Variants in RBFOX1 observed in about 807,000 individuals in gnomAD.
RBFOX1 encodes RNA binding protein fox-1 homolog 1.
In RBFOX1, 8 loss-of-function variants were observed where a neutral mutation model predicts 57.7. The observed-to-expected ratio is 0.14, with a 90% CI of 0.08 to 0.25. The LOEUF (loss-of-function observed/expected upper bound fraction) is 0.25. RBFOX1 is among the 10% of genes least tolerant of loss of function. RBFOX1 has a pLI of 1.00. For synonymous variants in RBFOX1, 326 were observed against 222.4 expected (o/e 1.47, Z -4.15); for missense variants, 611 against 548.5 (o/e 1.11, Z -1.14).
intron 4 of RBFOX1, among the ~76,000 whole-genome samples, chr16:7,386,287 G>T (rs959720849): frequency 2.0e-5 from 3 of 152,092 alleles, no homozygotes; most frequent in African/African-American, 7.2e-5. Context: ...AGAATGTGCA[G>T]GTTTGTTACA....
chr16:6,879,777 C>CTG (rs948596104), intron 3 of RBFOX1, among the ~76,000 whole-genome samples: 1 of 152,172 alleles, frequency 6.6e-6, no homozygotes, highest in Non-Finnish European at 1.5e-5. Context: ...AACCCTTCCT[C>CTG]TGATTTGACA....
At chr16:5,812,766 A>G (rs1341881292) in intron 3 of RBFOX1, among the ~76,000 whole-genome samples, 1 of 152,124 alleles carries the variant, frequency 6.6e-6, no homozygotes, top group Non-Finnish European at 1.5e-5. Context: ...TGCTCGGCCC[A>G]GTCTTCTAAA....
chr16:7,320,820 C>T (rs1023926334), intron 4 of RBFOX1, among the ~76,000 whole-genome samples: 27 of 152,186 alleles, frequency 1.8e-4, no homozygotes, highest in Admixed American at 3.9e-4. Flanking sequence ...TTAGAGCAAC[C>T]GCACAACAAC....
intron 4 of RBFOX1, among the ~76,000 whole-genome samples, chr16:7,431,705 C>G (rs531650394): frequency 6.6e-6 from 1 of 152,342 alleles, no homozygotes; most frequent in Admixed American, 6.5e-5. Flanking sequence ...CCTCTCCATT[C>G]TGTCCTCTCC....
intron 3 of RBFOX1, among the ~76,000 whole-genome samples, chr16:6,801,230 A>G (rs922894108): frequency 3.3e-5 from 5 of 151,398 alleles, no homozygotes; most frequent in Admixed American, 3.3e-4. Context: ...AACGTTACAT[A>G]TCATGTATTT....
chr16:7,154,186 TTG>T (rs2076640706), intron 4 of RBFOX1, among the ~76,000 whole-genome samples: 1 of 152,204 alleles, frequency 6.6e-6, no homozygotes, highest in African/African-American at 2.4e-5. Context: ...GTGCCAAGTG[TTG>T]TGAGACTAAG....
chr16:5,976,858 G>A (rs1186555296), intron 4 of RBFOX1, among the ~76,000 whole-genome samples: 2 of 152,180 alleles, frequency 1.3e-5, no homozygotes, highest in African/African-American at 4.8e-5. Flanking sequence ...AGCAGAGCAA[G>A]ACTCTGTCAA....
chr16:5,905,329 A>T (rs1172349035), intron 4 of RBFOX1, among the ~76,000 whole-genome samples: 1 of 151,886 alleles, frequency 6.6e-6, no homozygotes, highest in African/African-American at 2.4e-5. Context: ...CTAGGATTCC[A>T]GGCATGAGCT....
intron 4 of RBFOX1, among the ~76,000 whole-genome samples, chr16:7,184,928 A>C (rs1567611903): frequency 6.6e-6 from 1 of 152,190 alleles, no homozygotes; most frequent in Non-Finnish European, 1.5e-5. Flanking sequence ...TTGGTGCCCA[A>C]AGTACGTTTG....
At chr16:5,624,122 A>G (rs2048278573) in intron 3 of RBFOX1, among the ~76,000 whole-genome samples, 1 of 152,220 alleles carries the variant, frequency 6.6e-6, no homozygotes, top group South Asian at 2.1e-4. Context: ...AAAGGAGAAC[A>G]TTTTAGGTCA....
At chr16:5,855,976 C>CTTTTTTTTTTTTTTTTTT (rs1160702604) in intron 3 of RBFOX1, among the ~76,000 whole-genome samples, 1 of 77,708 alleles carries the variant, frequency 1.3e-5, no homozygotes, top group Admixed American at 1.3e-4. Flanking sequence ...GTATGTTATT[C>CTTTTTTTTTTTTTTTTTT]TTTTTTTTTT....
At chr16:5,478,804 A>C (rs2450380) in intron 2 of RBFOX1, among the ~76,000 whole-genome samples, 4 of 151,760 alleles carry the variant, frequency 2.6e-5, no homozygotes, top group African/African-American at 9.7e-5. Flanking sequence ...GAGGCAGGAG[A>C]GAAGAGGGCA....
At chr16:6,290,943 A>G (rs1007853887) in intron 1 of RBFOX1, among the ~76,000 whole-genome samples, 1 of 152,124 alleles carries the variant, frequency 6.6e-6, no homozygotes, top group African/African-American at 2.4e-5. Context: ...CCATAGAGAG[A>G]GCATCCCCAA....
chr16:6,982,347 A>C (rs1192024061), intron 3 of RBFOX1, among the ~76,000 whole-genome samples: 1 of 152,130 alleles, frequency 6.6e-6, no homozygotes, highest in African/African-American at 2.4e-5. Flanking sequence ...CCAGCATGTC[A>C]TTTTGACTTT....
chr16:7,026,409 C>G (rs1326908368), intron 3 of RBFOX1, among the ~76,000 whole-genome samples: 1 of 152,188 alleles, frequency 6.6e-6, no homozygotes, highest in Non-Finnish European at 1.5e-5. Context: ...GGGTAAAGAA[C>G]AGTTGAGGGC....
At chr16:6,100,247 C>T (rs1453362861) in intron 1 of RBFOX1, among the ~76,000 whole-genome samples, 1 of 152,064 alleles carries the variant, frequency 6.6e-6, no homozygotes, top group Non-Finnish European at 1.5e-5. Flanking sequence ...ACTGCAAGCT[C>T]CGCCTTCTGG....
At chr16:5,629,086 A>G (rs758804416) in intron 3 of RBFOX1, among the ~76,000 whole-genome samples, 3 of 143,964 alleles carry the variant, frequency 2.1e-5, no homozygotes, top group Non-Finnish European at 3.1e-5. Flanking sequence ...ATCAAGAGAA[A>G]AGAAAAAAAG....
At position 7,144,726 on chromosome 16, in the gene RBFOX1, C is replaced by G. The variant is rs75342765; in HGVS notation, c.27+92628C>G. 3.3e-3 allele frequency among the ~76,000 whole-genome samples: 505 copies of G among 152,214 alleles called. 10 individuals carry two copies. In the East Asian group the frequency reaches 0.06, roughly 18 times the overall value. ...TCCGCTTTCCCCAGATAGTCTCCCTCCCACCTACATATGAGAAAATAAAAT... is the reference window on the plus strand; with the variant it reads ...TCCGCTTTCCCCAGATAGTCTCCCTGCCACCTACATATGAGAAAATAAAAT... On this transcript the variant is annotated intron_variant, in intron 4 of 15. Transcript: ENST00000550418.
At chr16:7,567,336 G>A (rs56354908) in intron 5 of RBFOX1, among the ~76,000 whole-genome samples, 3 of 15,228 alleles carry the variant, frequency 2.0e-4, no homozygotes, top group Non-Finnish European at 9.6e-4. Context: ...CCTATATATG[G>A]CCCTATATAT....
Sources: gnomAD v4.1 joint callset for allele counts (sites outside exome capture counted in the v4.1 genomes callset) on GRCh38, gnomAD v4.1.1 for gene constraint, MANE v1.5 for transcripts, NCBI Gene and HGNC (gene_info 2026-07-23, HGNC 2026-07-21) for gene names.